The following KCNB2 variants were observed in gnomAD, a reference collection of about 807,000 sequenced individuals.
KCNB2 encodes the protein delayed rectifier potassium channel protein.
A neutral mutation model predicts 61.5 loss-of-function variants in KCNB2; 15 were observed. That is an observed-to-expected ratio of 0.24 (90% CI 0.16 to 0.38). KCNB2 has a LOEUF of 0.38. Among genes scored for constraint, KCNB2 ranks in the 10% least tolerant of loss-of-function variants. The pLI, the probability that KCNB2 is intolerant of heterozygous loss-of-function variation, is 1.00. For missense variants in KCNB2, 828 were observed against 1,125.2 expected, an observed-to-expected ratio of 0.74 and a Z score of 3.78; for synonymous variants, 457 against 446.0, an observed-to-expected ratio of 1.02 and a Z score of -0.31.
intron 2 of KCNB2, among the ~76,000 whole-genome samples, chr8:72,707,082 A>AGGTTATT (rs1406248220): frequency 6.6e-6 from 1 of 152,248 alleles, no homozygotes; most frequent in African/African-American, 2.4e-5. Flanking sequence ...GAACCACGAG[A>AGGTTATT]GGTTATTTAA....
At chr8:72,865,949 A>G (rs907205808) in intron 2 of KCNB2, among the ~76,000 whole-genome samples, 4 of 152,260 alleles carry the variant, frequency 2.6e-5, no homozygotes, top group Non-Finnish European at 4.4e-5. Context: ...ACCCTATACT[A>G]TGAGGTCCAC....
At chr8:72,750,451 C>A (rs1207051814) in intron 2 of KCNB2, 1 of 152,174 alleles carries the variant, frequency 6.6e-6, no homozygotes, top group African/African-American at 2.4e-5. Flanking sequence ...ATTAGACCTC[C>A]TTCTCCTTCA....
At chr8:72,623,935 C>A (rs1355046215) in intron 2 of KCNB2, among the ~76,000 whole-genome samples, 1 of 152,138 alleles carries the variant, frequency 6.6e-6, no homozygotes, top group Non-Finnish European at 1.5e-5. Context: ...CTCATGATCA[C>A]CCCTTTCTTT....
chr8:72,869,518 A>C (rs2129004642), intron 2 of KCNB2, among the ~76,000 whole-genome samples: 1 of 152,258 alleles, frequency 6.6e-6, no homozygotes, highest in East Asian at 1.9e-4. Flanking sequence ...AAATAAAATA[A>C]CCCAATTTAA....
At chr8:72,587,174 T>G (rs10097169) in intron 2 of KCNB2, among the ~76,000 whole-genome samples, 1 of 152,098 alleles carries the variant, frequency 6.6e-6, no homozygotes, top group Non-Finnish European at 1.5e-5. Context: ...ATGAAACAGG[T>G]CATCAAAGCG....
chr8:72,873,058 T>G (rs757757135), intron 2 of KCNB2, among the ~76,000 whole-genome samples: 1 of 152,180 alleles, frequency 6.6e-6, no homozygotes, highest in African/African-American at 2.4e-5. Flanking sequence ...GCAGCACCCA[T>G]GCTTAGCACA....
chr8:72,900,004 A>C (rs951771209), intron 2 of KCNB2, among the ~76,000 whole-genome samples: 6 of 152,060 alleles, frequency 3.9e-5, no homozygotes, highest in African/African-American at 7.2e-5. Context: ...ACCCCATCTC[A>C]AAACAAAACA....
At chr8:72,741,418 CTTA>C (rs1807957555) in intron 2 of KCNB2, among the ~76,000 whole-genome samples, 1 of 152,036 alleles carries the variant, frequency 6.6e-6, no homozygotes, top group African/African-American at 2.4e-5. Context: ...TATTTCTTTT[CTTA>C]TTATTATTAT....
intron 2 of KCNB2, among the ~76,000 whole-genome samples, chr8:72,614,817 A>G (rs569521368): frequency 6.6e-6 from 1 of 152,094 alleles, no homozygotes; most frequent in Non-Finnish European, 1.5e-5. Context: ...TTTAGAGGAG[A>G]CATGATTTCC....
chr8:72,804,113 T>A (rs1217901410), intron 2 of KCNB2, among the ~76,000 whole-genome samples: 2 of 152,078 alleles, frequency 1.3e-5, no homozygotes, highest in Non-Finnish European at 2.9e-5. Context: ...CCCAAGGCAG[T>A]GGGAAGCAAT....
chr8:72,549,424 C>A (rs1468088773), intron 1 of KCNB2, among the ~76,000 whole-genome samples: 1 of 152,146 alleles, frequency 6.6e-6, no homozygotes, highest in African/African-American at 2.4e-5. Flanking sequence ...AAAGGCACGA[C>A]CAGTTCTTAA....
chr8:72,922,804 G>T (rs988890123), intron 2 of KCNB2, among the ~76,000 whole-genome samples: 3 of 152,230 alleles, frequency 2.0e-5, no homozygotes, highest in East Asian at 1.9e-4. Flanking sequence ...AACCAAAAAG[G>T]ATCTGAAACA....
chr8:72,800,199 G>A (rs1456216682), intron 2 of KCNB2, among the ~76,000 whole-genome samples: 2 of 152,090 alleles, frequency 1.3e-5, no homozygotes, highest in African/African-American at 2.4e-5. Flanking sequence ...TTCTTGGAAT[G>A]GCTTCATAGG....
chr8:72,929,484 A>C (rs1180380493), intron 2 of KCNB2, among the ~76,000 whole-genome samples: 1 of 152,176 alleles, frequency 6.6e-6, no homozygotes, highest in Non-Finnish European at 1.5e-5. Flanking sequence ...CAGTAACTAA[A>C]TGCCTAGAAC....
intron 2 of KCNB2, among the ~76,000 whole-genome samples, chr8:72,647,346 G>A (rs552055137): frequency 2.6e-5 from 4 of 151,876 alleles, no homozygotes; most frequent in African/African-American, 4.8e-5. Flanking sequence ...GTAATTTTTA[G>A]CATTGTTTTT....
intron 2 of KCNB2, among the ~76,000 whole-genome samples, chr8:72,633,321 TC>T (rs2128985139): frequency 6.6e-6 from 1 of 152,258 alleles, no homozygotes; most frequent in East Asian, 1.9e-4. Context: ...TCAGATCTTC[TC>T]ATGACTTCTG....
chr8:72,922,218 G>A (rs1468885436), intron 2 of KCNB2, among the ~76,000 whole-genome samples: 8 of 152,134 alleles, frequency 5.3e-5, no homozygotes, highest in Admixed American at 3.9e-4. Context: ...CCCTCTGTGG[G>A]CCTCTCTGTG....
At chr8:72,659,421 A>G (rs1176018789) in intron 2 of KCNB2, among the ~76,000 whole-genome samples, 1 of 152,232 alleles carries the variant, frequency 6.6e-6, no homozygotes, top group East Asian at 1.9e-4. Context: ...TGCTGTGAAC[A>G]TTGTTGAAAT....
intron 2 of KCNB2, among the ~76,000 whole-genome samples, chr8:72,778,158 G>A (rs1808687846): frequency 6.6e-6 from 1 of 152,116 alleles, no homozygotes. Context: ...CTTGCTGTGT[G>A]ATATTTATAA....
Sources: allele counts gnomAD v4.1 joint callset (sites outside exome capture counted in the v4.1 genomes callset), GRCh38; gene constraint gnomAD v4.1.1; transcripts MANE v1.5; gene names NCBI Gene and HGNC (gene_info 2026-07-23, HGNC 2026-07-21).